The following MYO5B variants were observed in gnomAD, a reference collection of about 807,000 sequenced individuals.
The protein encoded by MYO5B is myosin VB, also known as unconventional myosin-Vb.
In MYO5B, 143 loss-of-function variants were observed where a neutral mutation model predicts 229.3. That is an observed-to-expected ratio of 0.62 (90% CI 0.54 to 0.72). The LOEUF is 0.72. Among genes scored for constraint, MYO5B ranks in the 30% least tolerant of loss-of-function variants. MYO5B has a pLI of 0.00. For synonymous variants in MYO5B, 918 were observed against 885.2 expected, an observed-to-expected ratio of 1.04 and a Z score of -0.66; for missense variants, 2,321 against 2,331.0, an observed-to-expected ratio of 1.00 and a Z score of 0.09.
At chr18:50,059,255 C>T (rs1415089531) in intron 1 of MYO5B, among the ~76,000 whole-genome samples, 1 of 152,190 alleles carries the variant, frequency 6.6e-6, no homozygotes, top group Non-Finnish European at 1.5e-5. Flanking sequence ...ACCTAAAACA[C>T]ATTGTGATAA....
rs897485378 is a variant in MYO5B, at chr18:49,865,703, A to C, written c.3604-1323T>G. Among the ~76,000 whole-genome samples, 46 of 152,216 alleles carry C rather than the reference A, an allele frequency of 3.0e-4. 1 individual carries two copies. Among genetic ancestry groups the C allele is most frequent in the Admixed American group, 2.6e-3 (39 of 15,288 alleles). On this transcript the variant is annotated intron_variant, in intron 27 of 39. Transcript: ENST00000285039. The stretch of plus-strand genomic sequence containing the variant: ...AGGTTTCCTCCAGCTGTGACAGGCC[A>C]GAACTGAGCTCGGTGACAGCTGTTG...
chr18:50,003,109 G>A (rs1422356914), intron 4 of MYO5B, among the ~76,000 whole-genome samples: 1 of 152,182 alleles, frequency 6.6e-6, no homozygotes, highest in East Asian at 1.9e-4. Context: ...CGAAGGCAGA[G>A]TCATGAGGTA....
chr18:50,094,978 C>A (rs559609675), intron 1 of MYO5B, among the ~76,000 whole-genome samples: 1 of 152,242 alleles, frequency 6.6e-6, no homozygotes, highest in South Asian at 2.1e-4. Flanking sequence ...CAGGCGTGCA[C>A]CACTGCATCT....
intron 1 of MYO5B, among the ~76,000 whole-genome samples, chr18:50,173,631 GT>G (rs760999718): frequency 3.5e-4 from 53 of 152,168 alleles, no homozygotes; most frequent in Middle Eastern, 3.2e-3. Context: ...TTCAAGTAAC[GT>G]TTGGAAGCTG....
In MYO5B at chr18:50,088,137, T is replaced by G. The variant is rs116152384; in HGVS notation, c.28-32759A>C. 9.6e-3 allele frequency among the ~76,000 whole-genome samples: 1,463 copies of G among 152,272 alleles called. 20 individuals carry two copies. The highest frequency in any genetic ancestry group is 0.033 in the African/African-American group (1,383 of 41,558). Reference sequence around the variant, plus strand: ...GCGGCAGGACCGGTGTGGGGTGACCTGCTGTTGGCTGTGGGTTTGGTGTCC... The same window carrying G: ...GCGGCAGGACCGGTGTGGGGTGACCGGCTGTTGGCTGTGGGTTTGGTGTCC... On this transcript the variant is annotated intron_variant, in intron 1 of 39. Transcript: ENST00000285039.
chr18:50,001,525 T>C, intron 4 of MYO5B, 114 bp from the exon 5 acceptor site: 1 of 1,258,388 alleles, frequency 7.9e-7, no homozygotes, highest in Non-Finnish European at 1.2e-6. Context: ...CCTACTTTAA[T>C]GGATAAACGC....
Position 49,866,640 on chromosome 18 carries a change from A to G in MYO5B, c.3604-2260T>C, listed in dbSNP as rs560864675. ...TTTTTGTGCACCCAAATGCTATGCC[A>G]TTCCAGTTGGAGAATAAGGGAGTCC... On this transcript the variant is annotated intron_variant, in intron 27 of 39. Transcript: ENST00000285039. 1.6e-4 allele frequency among the ~76,000 whole-genome samples: 25 copies of G among 152,334 alleles called. No homozygotes were observed. The South Asian group carries it at 5.0e-3, about 30-fold the overall frequency.
chr18:49,847,651 G>A (rs2024147459), intron 32 of MYO5B, among the ~76,000 whole-genome samples: 1 of 152,140 alleles, frequency 6.6e-6, no homozygotes, highest in Non-Finnish European at 1.5e-5. Flanking sequence ...CTGCATAGCT[G>A]CTTCTCTTTC....
intron 17 of MYO5B, among the ~76,000 whole-genome samples, chr18:49,923,334 C>T (rs750826154): frequency 5.3e-5 from 8 of 152,192 alleles, no homozygotes; most frequent in Non-Finnish European, 1.0e-4. Flanking sequence ...CATTCCCTCC[C>T]AGGAAGCAAC....
chr18:49,964,642 T>C (rs1234367865), intron 10 of MYO5B, among the ~76,000 whole-genome samples: 2 of 152,228 alleles, frequency 1.3e-5, no homozygotes, highest in Non-Finnish European at 2.9e-5. Flanking sequence ...AAAGTCTGAA[T>C]TTTAACTTAT....
chr18:49,962,431 G>A lies in MYO5B; in HGVS notation c.1405-25C>T, dbSNP rs543904608. The A allele has an allele frequency of 4.6e-5, 75 of 1,614,026 alleles. No homozygotes were observed. The South Asian group carries it at 7.5e-4, about 16-fold the overall frequency. The stretch of plus-strand genomic sequence containing the variant: ...GCTAGGGCAAGTAAAAAGGTCACAC[G>A]AGTGAACTGCAGGCACACCTTAACA... On this transcript the variant is annotated intron_variant, in intron 11 of 39. Coordinates refer to ENST00000285039, the MANE Select transcript of MYO5B (RefSeq NM_001080467.3).
chr18:50,091,928 G>A (rs2031456403), intron 1 of MYO5B, among the ~76,000 whole-genome samples: 1 of 152,216 alleles, frequency 6.6e-6, no homozygotes, highest in African/African-American at 2.4e-5. Context: ...ATCCTCAAAA[G>A]TTTGTGAGAA....
At chr18:50,191,850 G>T (rs2033232026) in intron 1 of MYO5B, among the ~76,000 whole-genome samples, 2 of 152,200 alleles carry the variant, frequency 1.3e-5, no homozygotes. Context: ...TAAGTCATCA[G>T]TTTGAAAAGA....
chr18:49,944,715 C>G (rs1327637174), intron 14 of MYO5B, among the ~76,000 whole-genome samples: 1 of 152,156 alleles, frequency 6.6e-6, no homozygotes, highest in African/African-American at 2.4e-5. Flanking sequence ...ATCACTCCAT[C>G]CCCTGGCTTC....
chr18:49,960,741 T>A (rs971532574), intron 12 of MYO5B, among the ~76,000 whole-genome samples: 8 of 152,168 alleles, frequency 5.3e-5, no homozygotes, highest in African/African-American at 1.9e-4. Flanking sequence ...ACGTGTCACA[T>A]CCACAGTACC....
intron 1 of MYO5B, among the ~76,000 whole-genome samples, chr18:50,058,629 G>T (rs2030610731): frequency 1.3e-5 from 2 of 152,100 alleles, no homozygotes; most frequent in South Asian, 4.1e-4. Context: ...TGGCCAACAT[G>T]GTAAAACCCT....
intron 22 of MYO5B, among the ~76,000 whole-genome samples, chr18:49,888,880 G>A (rs140122229): frequency 1.6e-4 from 24 of 152,332 alleles, no homozygotes; most frequent in Non-Finnish European, 2.4e-4. Context: ...TTGCCCCCAC[G>A]CTTGGTGTCC....
intron 12 of MYO5B, among the ~76,000 whole-genome samples, chr18:49,956,019 A>G (rs954957778): frequency 1.3e-5 from 2 of 152,360 alleles, no homozygotes; most frequent in Admixed American, 6.5e-5. Flanking sequence ...CTTCTGTGAG[A>G]AGACTTCGTA....
chr18:50,162,934 T>C (rs939404189), intron 1 of MYO5B, among the ~76,000 whole-genome samples: 2 of 152,216 alleles, frequency 1.3e-5, no homozygotes, highest in Non-Finnish European at 2.9e-5. Flanking sequence ...GAGCCACACC[T>C]ATCAGCTAAG....
Sources: allele counts gnomAD v4.1 joint callset (sites outside exome capture counted in the v4.1 genomes callset), GRCh38; gene constraint gnomAD v4.1.1; transcripts MANE v1.5; gene names NCBI Gene and HGNC (gene_info 2026-07-23, HGNC 2026-07-21).